GPC5: variants seen among roughly 807,000 people sequenced by gnomAD.
GPC5 encodes the protein glypican 5, also known as glypican-5.
GPC5 carries 47 observed loss-of-function variants against 53.9 expected under a neutral mutation model. The ratio of observed to expected loss-of-function variants is 0.87; its 90% CI spans 0.69 to 1.11. The LOEUF (loss-of-function observed/expected upper bound fraction) is 1.11, where lower values mean the gene tolerates loss of function less well. Among genes scored for constraint, GPC5 ranks in the 50% most tolerant of loss-of-function variants. GPC5 has a pLI of 0.00. For missense variants in GPC5, 748 were observed against 713.1 expected, an observed-to-expected ratio of 1.05 and a Z score of -0.56; for synonymous variants, 286 against 263.3, an observed-to-expected ratio of 1.09 and a Z score of -0.84.
At chr13:91,625,760 C>A (rs1420467603) in intron 2 of GPC5, among the ~76,000 whole-genome samples, 3 of 152,036 alleles carry the variant, frequency 2.0e-5, no homozygotes, top group Non-Finnish European at 2.9e-5. Flanking sequence ...AGAAACTTAT[C>A]AAAACCCACT....
intron 7 of GPC5, among the ~76,000 whole-genome samples, chr13:92,485,935 C>T (rs1332567973): frequency 6.6e-6 from 1 of 152,150 alleles, no homozygotes; most frequent in Non-Finnish European, 1.5e-5. Context: ...CATTGCACTC[C>T]AGCCTGGGCG....
chr13:91,834,503 A>T (rs1287594578), intron 5 of GPC5, among the ~76,000 whole-genome samples: 1 of 152,158 alleles, frequency 6.6e-6, no homozygotes, highest in Non-Finnish European at 1.5e-5. Flanking sequence ...CTATACTACA[A>T]AGCTACAGTA....
chr13:91,752,455 G>A (rs985845076), intron 4 of GPC5, among the ~76,000 whole-genome samples: 1 of 152,178 alleles, frequency 6.6e-6, no homozygotes, highest in Admixed American at 6.5e-5. Context: ...TTTTTGTGGT[G>A]GTGGCAGGAG....
At chr13:91,573,435 C>T (rs1270415612) in intron 2 of GPC5, among the ~76,000 whole-genome samples, 5 of 152,130 alleles carry the variant, frequency 3.3e-5, no homozygotes, top group Admixed American at 3.3e-4. Flanking sequence ...TTTTTTAAAG[C>T]TTACTTTCTG....
chr13:92,798,968 G>A (rs531475823), intron 7 of GPC5, among the ~76,000 whole-genome samples: 1 of 151,882 alleles, frequency 6.6e-6, no homozygotes, highest in African/African-American at 2.4e-5. Context: ...CTCCAAGAAA[G>A]AGTGCATGAA....
chr13:91,659,762 A>G (rs1415462958), intron 2 of GPC5, among the ~76,000 whole-genome samples: 1 of 152,096 alleles, frequency 6.6e-6, no homozygotes, highest in Non-Finnish European at 1.5e-5. Flanking sequence ...CGCCTCCACC[A>G]TGATCGCCAC....
intron 7 of GPC5, among the ~76,000 whole-genome samples, chr13:92,544,338 T>G (rs1882029043): frequency 6.6e-6 from 1 of 152,108 alleles, no homozygotes; most frequent in Non-Finnish European, 1.5e-5. Context: ...AATAGAAAGG[T>G]GTTTTCTTAA....
At position 92,144,834 on chromosome 13, in the gene GPC5, T is replaced by C. The variant is rs1430610096; in HGVS notation, c.1406T>C (p.Leu469Ser). Reference protein sequence around the residue: ...IDKLKHVVQLLQGRSPKPDKW... With the variant: ...IDKLKHVVQLSQGRSPKPDKW... ...CCTTTCTTTATGTACAATTAGTTGT[T>C]ACAGGGTAGATCACCCAAACCTGAC... The change falls in exon 7 of 8, where the codon TTA (leucine) becomes TCA (serine). Residue 469 changes from leucine (L) to serine (S), a missense_variant. Leu to Ser is a moderately radical substitution (Grantham distance 145, BLOSUM62 -2). Coordinates refer to ENST00000377067, the MANE Select transcript of GPC5 (RefSeq NM_004466.6). 6.2e-7 allele frequency: 1 copy of C among 1,610,456 alleles called. No homozygotes were observed. The highest frequency in any genetic ancestry group is 1.7e-5 in the Admixed American group (1 of 59,522).
At chr13:92,230,925 A>G (rs1472974595) in intron 7 of GPC5, among the ~76,000 whole-genome samples, 4 of 152,354 alleles carry the variant, frequency 2.6e-5, no homozygotes, top group Admixed American at 6.5e-5. Context: ...ATTTTCATAA[A>G]TAAAATCTTC....
chr13:92,065,958 T>C (rs1199115868), intron 6 of GPC5, among the ~76,000 whole-genome samples: 1 of 152,248 alleles, frequency 6.6e-6, no homozygotes, highest in East Asian at 1.9e-4. Context: ...GAGATAATGG[T>C]AACAATATTC....
At chr13:91,438,293 T>C (rs573654765) in intron 1 of GPC5, among the ~76,000 whole-genome samples, 2 of 152,226 alleles carry the variant, frequency 1.3e-5, no homozygotes, top group African/African-American at 2.4e-5. Context: ...TTTGTGGTTT[T>C]ATCTACCTTT....
At chr13:91,459,084 T>C (rs1003372440) in intron 2 of GPC5, among the ~76,000 whole-genome samples, 1 of 151,766 alleles carries the variant, frequency 6.6e-6, no homozygotes, top group Admixed American at 6.6e-5. Context: ...GGGTGAGGGA[T>C]AAAAGACTAC....
chr13:91,688,863 T>C lies in GPC5; in HGVS notation c.326-4324T>C, dbSNP rs1203272130. Among the ~76,000 whole-genome samples, 9 of 151,804 alleles carry C rather than the reference T, an allele frequency of 5.9e-5. No individual in the cohort carries two copies. The East Asian group carries it at 1.7e-3, about 29-fold the overall frequency. The stretch of plus-strand genomic sequence containing the variant: ...TTGTGTATCTAAGCATATTTAAACA[T>C]AGAAAAGATACAGTGAAAGGATGGT... On this transcript the variant is annotated intron_variant, in intron 2 of 7. Coordinates refer to ENST00000377067, the MANE Select transcript of GPC5 (RefSeq NM_004466.6).
At position 91,658,540 on chromosome 13, in the gene GPC5, T is replaced by C. The variant is rs73610001; in HGVS notation, c.326-34647T>C. 1.2e-3 allele frequency among the ~76,000 whole-genome samples: 189 copies of C among 152,350 alleles called. 1 individual carries two copies. Among genetic ancestry groups the C allele is most frequent in the African/African-American group, 4.4e-3 (182 of 41,594 alleles). On this transcript the variant is annotated intron_variant, in intron 2 of 7. Coordinates refer to ENST00000377067, the MANE Select transcript of GPC5 (RefSeq NM_004466.6). ...ACCCAAATTGACCTTTCTTGTTTAA[T>C]GCCATTTGAATTGCTATACTCAGCT...
chr13:92,848,721 A>T (rs1465078135), intron 7 of GPC5, among the ~76,000 whole-genome samples: 2 of 152,162 alleles, frequency 1.3e-5, no homozygotes, highest in Non-Finnish European at 2.9e-5. Context: ...GTAAAACACC[A>T]CAGCATTTAT....
At chr13:92,457,885 G>T (rs890225950) in intron 7 of GPC5, among the ~76,000 whole-genome samples, 1 of 151,982 alleles carries the variant, frequency 6.6e-6, no homozygotes, top group Non-Finnish European at 1.5e-5. Context: ...ATGAAGTGTT[G>T]CCTGTCCTTA....
At chr13:91,571,554 T>A (rs1050351695) in intron 2 of GPC5, among the ~76,000 whole-genome samples, 4 of 151,626 alleles carry the variant, frequency 2.6e-5, no homozygotes, top group Non-Finnish European at 4.4e-5. Context: ...TGAAACCCCA[T>A]CTCCACTAAA....
intron 7 of GPC5, among the ~76,000 whole-genome samples, chr13:92,396,447 T>A (rs934130749): frequency 6.6e-6 from 1 of 152,114 alleles, no homozygotes; most frequent in Non-Finnish European, 1.5e-5. Context: ...ACCTATCTGA[T>A]GAGTCCAACA....
chr13:92,233,984 G>T (rs2042550722), intron 7 of GPC5, among the ~76,000 whole-genome samples: 1 of 152,140 alleles, frequency 6.6e-6, no homozygotes, highest in Non-Finnish European at 1.5e-5. Flanking sequence ...CAAAGGACAT[G>T]AACTCGTCAT....
Sources: gnomAD v4.1 joint callset for allele counts (sites outside exome capture counted in the v4.1 genomes callset) on GRCh38, gnomAD v4.1.1 for gene constraint, MANE v1.5 for transcripts, NCBI Gene and HGNC (gene_info 2026-07-23, HGNC 2026-07-21) for gene names.